SGCD: variants seen among roughly 807,000 people sequenced by gnomAD.
The protein encoded by SGCD is delta-sarcoglycan.
SGCD carries 18 observed loss-of-function variants against 36.6 expected under a neutral mutation model. That is an observed-to-expected ratio of 0.49 (90% confidence interval 0.34 to 0.73). SGCD has a LOEUF of 0.73. Ranked by LOEUF, SGCD falls within the 30% of genes least tolerant of loss-of-function variation. SGCD has a pLI of 0.01. For synonymous variants in SGCD, 133 were observed against 130.6 expected (o/e 1.02, Z -0.12); for missense variants, 387 against 346.7 (o/e 1.12, Z -0.92).
the SGCD span, among the ~76,000 whole-genome samples, chr5:155,728,443 A>C: frequency 6.6e-6 from 1 of 152,162 alleles, no homozygotes; most frequent in East Asian, 1.9e-4. Flanking sequence ...GGGGAGGAGG[A>C]CTAGAACAGG....
intron 3 of SGCD, among the ~76,000 whole-genome samples, chr5:156,151,146 G>C (rs895070787): frequency 1.3e-5 from 2 of 151,714 alleles, no homozygotes; most frequent in Admixed American, 6.6e-5. Context: ...GGGTCAGAGA[G>C]AGAAGCTGAG....
At chr5:156,151,897 C>CAA (rs1461056721) in intron 3 of SGCD, among the ~76,000 whole-genome samples, 7 of 150,736 alleles carry the variant, frequency 4.6e-5, no homozygotes, top group African/African-American at 1.7e-4. Flanking sequence ...CTAGTCTTTC[C>CAA]AGATTGGTTC....
chr5:155,951,472 C>T (rs1757547323), intron 1 of SGCD, among the ~76,000 whole-genome samples: 1 of 152,016 alleles, frequency 6.6e-6, no homozygotes, highest in Non-Finnish European at 1.5e-5. Flanking sequence ...AAAAAACTAC[C>T]CTGTGATGCT....
intron 3 of SGCD, among the ~76,000 whole-genome samples, chr5:156,391,540 A>T (rs1360886816): frequency 6.6e-6 from 1 of 152,248 alleles, no homozygotes; most frequent in African/African-American, 2.4e-5. Context: ...ACTTGTCATT[A>T]TTCCCTAAAC....
At chr5:155,871,335 T>A (rs1755652355) in intron 1 of SGCD, among the ~76,000 whole-genome samples, 1 of 152,176 alleles carries the variant, frequency 6.6e-6, no homozygotes, top group African/African-American at 2.4e-5. Context: ...ACTCCCAGAA[T>A]GTGGCCCAAT....
At chr5:156,722,334 A>G (rs1755549649) in intron 7 of SGCD, among the ~76,000 whole-genome samples, 1 of 152,236 alleles carries the variant, frequency 6.6e-6, no homozygotes, top group South Asian at 2.1e-4. Flanking sequence ...CAGAGAAGAT[A>G]ATCTGAGCAG....
chr5:155,907,259 C>T (rs143167270), intron 1 of SGCD, among the ~76,000 whole-genome samples: 124 of 152,120 alleles, frequency 8.2e-4, no homozygotes, highest in Non-Finnish European at 1.3e-3. Flanking sequence ...TCATTGACAA[C>T]GCACTTGCTT....
chr5:156,572,060 A>G, intron 4 of SGCD, among the ~76,000 whole-genome samples: 1 of 152,224 alleles, frequency 6.6e-6, no homozygotes, highest in East Asian at 1.9e-4. Context: ...AGGTTCATCC[A>G]TGCTGTAGCA....
intron 3 of SGCD, among the ~76,000 whole-genome samples, chr5:156,426,982 C>T (rs1235167632): frequency 5.9e-5 from 9 of 152,042 alleles, no homozygotes; most frequent in Non-Finnish European, 8.8e-5. Context: ...AATGTGGTGC[C>T]TCCAGATTTG....
At chr5:156,562,530 A>G (rs1478163792) in intron 4 of SGCD, among the ~76,000 whole-genome samples, 1 of 152,134 alleles carries the variant, frequency 6.6e-6, no homozygotes, top group African/African-American at 2.4e-5. Flanking sequence ...TGGACCTCCT[A>G]GGGTCTCAAA....
intron 3 of SGCD, among the ~76,000 whole-genome samples, chr5:156,189,497 G>A (rs1292698686): frequency 2.6e-5 from 4 of 152,126 alleles, no homozygotes; most frequent in African/African-American, 9.7e-5. Context: ...GAAATTATGA[G>A]TATAAAGATC....
At chr5:156,428,790 C>T (rs1436444095) in intron 3 of SGCD, among the ~76,000 whole-genome samples, 1 of 151,898 alleles carries the variant, frequency 6.6e-6, no homozygotes, top group East Asian at 1.9e-4. Flanking sequence ...CATTGTTGAC[C>T]CAAACATCAT....
At chr5:155,818,895 A>T in the SGCD span, among the ~76,000 whole-genome samples, 1 of 152,164 alleles carries the variant, frequency 6.6e-6, no homozygotes, top group East Asian at 1.9e-4. Context: ...TTTTTGACAT[A>T]AACTTTCAAG....
chr5:156,218,026 C>A (rs940142334), intron 3 of SGCD, among the ~76,000 whole-genome samples: 6 of 152,086 alleles, frequency 3.9e-5, no homozygotes, highest in African/African-American at 1.2e-4. Context: ...GTAATACCAG[C>A]ACTTTGGGAG....
At chr5:156,170,076 C>T (rs1273439531) in intron 3 of SGCD, among the ~76,000 whole-genome samples, 1 of 152,088 alleles carries the variant, frequency 6.6e-6, no homozygotes, top group African/African-American at 2.4e-5. Flanking sequence ...TGCGGCCAGG[C>T]CCTGAAGAAG....
At chr5:155,948,031 C>G (rs576949360) in intron 1 of SGCD, among the ~76,000 whole-genome samples, 60 of 152,280 alleles carry the variant, frequency 3.9e-4, no homozygotes, top group African/African-American at 1.4e-3. Flanking sequence ...AATCCCAGCA[C>G]TTTGGGAGGC....
At chr5:156,504,424 A>G (rs1169321444) in intron 3 of SGCD, among the ~76,000 whole-genome samples, 4 of 141,354 alleles carry the variant, frequency 2.8e-5, no homozygotes, top group Non-Finnish European at 4.5e-5. Context: ...ATATATATAT[A>G]TGTCAATGTG....
At chr5:156,516,090 G>A (rs1717053537) in intron 4 of SGCD, among the ~76,000 whole-genome samples, 1 of 152,250 alleles carries the variant, frequency 6.6e-6, no homozygotes, top group South Asian at 2.1e-4. Flanking sequence ...TTTCCTGCCT[G>A]CTGGCTCTGA....
chr5:156,638,441 GCAT>G (rs1259593009), intron 6 of SGCD, among the ~76,000 whole-genome samples: 1 of 152,178 alleles, frequency 6.6e-6, no homozygotes, highest in Non-Finnish European at 1.5e-5. Context: ...GACACACAGT[GCAT>G]CATCTTTGAG....
Sources: gnomAD v4.1 joint callset for allele counts (sites outside exome capture counted in the v4.1 genomes callset) on GRCh38, gnomAD v4.1.1 for gene constraint, MANE v1.5 for transcripts, NCBI Gene and HGNC (gene_info 2026-07-23, HGNC 2026-07-21) for gene names.